Variants in CDK15 observed in about 807,000 individuals in gnomAD.
CDK15 encodes cyclin-dependent kinase 15.
CDK15 carries 62 observed loss-of-function variants against 60.3 expected under a neutral mutation model. The observed-to-expected ratio is 1.03, with a 90% confidence interval of 0.84 to 1.27. CDK15 has a LOEUF of 1.27. Ranked by LOEUF, CDK15 falls within the 50% of genes most tolerant of loss-of-function variation. The pLI, the probability that CDK15 is intolerant of heterozygous loss-of-function variation, is 0.00. For missense variants in CDK15, 541 were observed against 527.8 expected, an observed-to-expected ratio of 1.03 and a Z score of -0.25; for synonymous variants, 194 against 195.7, an observed-to-expected ratio of 0.99 and a Z score of 0.07.
intron 8 of CDK15, among the ~76,000 whole-genome samples, chr2:201,836,110 TTA>T (rs1196199191): frequency 7.3e-5 from 8 of 110,186 alleles, no homozygotes; most frequent in East Asian, 2.3e-4. Context: ...ATTTATATAT[TTA>T]TATATATTAT....
At chr2:201,829,005 A>G (rs1393900844) in intron 6 of CDK15, among the ~76,000 whole-genome samples, 1 of 152,204 alleles carries the variant, frequency 6.6e-6, no homozygotes, top group East Asian at 1.9e-4. Context: ...TAAGGATTTT[A>G]GGAGTTGGCT....
At chr2:201,850,059 G>A (rs535694477) in intron 9 of CDK15, among the ~76,000 whole-genome samples, 6 of 152,242 alleles carry the variant, frequency 3.9e-5, no homozygotes, top group African/African-American at 9.6e-5. Context: ...TCCTGACCTC[G>A]TGATCCACCC....
chr2:201,878,626 G>T (rs1463293791), intron 11 of CDK15, among the ~76,000 whole-genome samples: 2 of 152,078 alleles, frequency 1.3e-5, no homozygotes, highest in Non-Finnish European at 1.5e-5. Flanking sequence ...CATCTCAGGG[G>T]AACCAAAATG....
intron 11 of CDK15, among the ~76,000 whole-genome samples, chr2:201,876,289 G>A (rs1699076202): frequency 6.6e-6 from 1 of 152,234 alleles, no homozygotes; most frequent in East Asian, 1.9e-4. Flanking sequence ...TACAAACACG[G>A]AAGATGTCAG....
intron 6 of CDK15, among the ~76,000 whole-genome samples, chr2:201,826,329 G>A (rs1317268631): frequency 2.6e-5 from 4 of 151,934 alleles, no homozygotes; most frequent in East Asian, 1.9e-4. Flanking sequence ...GCGTGGTGGC[G>A]GGCGCCTGTA....
chr2:201,854,967 T>G (rs375313182), intron 10 of CDK15, 30 bp downstream of exon 10: 2 of 1,603,694 alleles, frequency 1.2e-6, no homozygotes, highest in African/African-American at 2.7e-5. Flanking sequence ...CTGAATACTC[T>G]GAGAATTAGT....
At chr2:201,817,878 C>T (rs1696061393) in intron 4 of CDK15, among the ~76,000 whole-genome samples, 1 of 152,238 alleles carries the variant, frequency 6.6e-6, no homozygotes, top group African/African-American at 2.4e-5. Context: ...AAGACAACTA[C>T]TTATCTGACA....
chr2:201,847,523 T>G (rs1697724665), intron 9 of CDK15, 49 bp downstream of exon 9: 1 of 1,539,984 alleles, frequency 6.5e-7, no homozygotes, highest in South Asian at 1.1e-5. Context: ...CATTTTAAGT[T>G]TTGAACCAAA....
At chr2:201,849,711 T>C (rs529852110) in intron 9 of CDK15, among the ~76,000 whole-genome samples, 1 of 152,342 alleles carries the variant, frequency 6.6e-6, no homozygotes, top group East Asian at 1.9e-4. Flanking sequence ...TAAATTGTAA[T>C]ACTGAAATAA....
intron 3 of CDK15, among the ~76,000 whole-genome samples, chr2:201,810,584 T>C (rs917983151): frequency 2.0e-5 from 3 of 152,156 alleles, no homozygotes; most frequent in Non-Finnish European, 4.4e-5. Context: ...CATTAACAAA[T>C]GGGAGAGAAG....
At chr2:201,807,976 G>C (rs756717654) in intron 3 of CDK15, 24 bp downstream of exon 3, 2 of 1,590,608 alleles carry the variant, frequency 1.3e-6, no homozygotes, top group South Asian at 1.1e-5. Context: ...AGCTGGGAGA[G>C]ACTTTAGAGA....
intron 10 of CDK15, among the ~76,000 whole-genome samples, chr2:201,867,890 A>G (rs1301565854): frequency 6.6e-6 from 1 of 152,222 alleles, no homozygotes; most frequent in Non-Finnish European, 1.5e-5. Context: ...GCAACTGGAA[A>G]ATGATTCCCA....
intron 4 of CDK15, among the ~76,000 whole-genome samples, chr2:201,821,691 G>A (rs753462579): frequency 6.6e-6 from 1 of 151,794 alleles, no homozygotes; most frequent in Non-Finnish European, 1.5e-5. Flanking sequence ...TTTTTTTTGA[G>A]ATGGAGTCTC....
At chr2:201,885,091 T>C (rs1034395469) in intron 12 of CDK15, among the ~76,000 whole-genome samples, 5 of 152,198 alleles carry the variant, frequency 3.3e-5, no homozygotes, top group Admixed American at 3.3e-4. Context: ...CTCAATACCA[T>C]CTAAGATCAT....
chr2:201,808,085 GGAGA>G (rs1424899950), intron 3 of CDK15, 133 bp downstream of exon 3: 2 of 636,810 alleles, frequency 3.1e-6, no homozygotes, highest in South Asian at 5.5e-5. Flanking sequence ...TGGCCGACAG[GGAGA>G]GAGACATGAT....
chr2:201,881,901 G>GCACA (rs113030228), intron 12 of CDK15, among the ~76,000 whole-genome samples: 1 of 150,910 alleles, frequency 6.6e-6, no homozygotes, highest in South Asian at 2.1e-4. Flanking sequence ...ACATACACAC[G>GCACA]CACACACACA....
chr2:201,829,996 C>T (rs576298294), intron 6 of CDK15, among the ~76,000 whole-genome samples: 90 of 152,038 alleles, frequency 5.9e-4, no homozygotes, highest in African/African-American at 2.0e-3. Context: ...TTAGTAGAGA[C>T]GGGGTTTCAC....
At chr2:201,872,168 A>T in intron 10 of CDK15, 110 bp from the exon 11 acceptor site, 2 of 1,134,034 alleles carry the variant, frequency 1.8e-6, no homozygotes, top group South Asian at 2.5e-5. Flanking sequence ...TGATACTTGA[A>T]TCATTTTTTT....
chr2:201,867,126 T>C (rs1698664324), intron 10 of CDK15, among the ~76,000 whole-genome samples: 1 of 152,200 alleles, frequency 6.6e-6, no homozygotes, highest in African/African-American at 2.4e-5. Flanking sequence ...ATATTAAGTA[T>C]GTGTCAGACA....
Sources: gnomAD v4.1 joint callset for allele counts (sites outside exome capture counted in the v4.1 genomes callset) on GRCh38, gnomAD v4.1.1 for gene constraint, MANE v1.5 for transcripts, NCBI Gene and HGNC (gene_info 2026-07-23, HGNC 2026-07-21) for gene names.